OTUD7A: variants seen among roughly 807,000 people sequenced by gnomAD.
OTUD7A encodes the protein OTU domain-containing protein 7A.
Under a neutral mutation model 65.7 loss-of-function variants are expected in OTUD7A, and 12 were observed. The ratio of observed to expected loss-of-function variants is 0.18; its 90% CI spans 0.12 to 0.30. The LOEUF is 0.30. OTUD7A is among the 10% of genes least tolerant of loss of function. The pLI is 1.00. For synonymous variants in OTUD7A, 641 were observed against 586.3 expected (o/e 1.09, Z -1.35); for missense variants, 1,148 against 1,304.8 (o/e 0.88, Z 1.85).
intron 1 of OTUD7A, among the ~76,000 whole-genome samples, chr15:31,803,080 T>C (rs1047099927): frequency 6.6e-6 from 1 of 152,136 alleles, no homozygotes; most frequent in Non-Finnish European, 1.5e-5. Context: ...GAGCAGAGCA[T>C]TCCCAGACAA....
chr15:31,680,292 A>T (rs2338928), intron 1 of OTUD7A, among the ~76,000 whole-genome samples: 3 of 152,170 alleles, frequency 2.0e-5, no homozygotes, highest in Non-Finnish European at 2.9e-5. Context: ...CAATTCTGCC[A>T]TTCAGTATCT....
chr15:31,540,191 C>G (rs1248751942), intron 5 of OTUD7A, among the ~76,000 whole-genome samples: 4 of 152,182 alleles, frequency 2.6e-5, no homozygotes, highest in African/African-American at 7.2e-5. Context: ...TGTCTTCTGT[C>G]AATCCCCTCT....
chr15:31,508,431 G>A (rs2041616956), intron 8 of OTUD7A, among the ~76,000 whole-genome samples: 3 of 152,158 alleles, frequency 2.0e-5, no homozygotes, highest in Admixed American at 1.3e-4. Flanking sequence ...CTCACTGCAA[G>A]CTCCGCCTCC....
At chr15:31,836,014 A>G (rs1489763852) in intron 1 of OTUD7A, among the ~76,000 whole-genome samples, 1 of 151,876 alleles carries the variant, frequency 6.6e-6, no homozygotes, top group African/African-American at 2.4e-5. Context: ...AAAGTTTTGG[A>G]TTTTGGAACA....
At chr15:31,507,590 T>C (rs1566889367) in intron 8 of OTUD7A, among the ~76,000 whole-genome samples, 1 of 151,688 alleles carries the variant, frequency 6.6e-6, no homozygotes, top group Non-Finnish European at 1.5e-5. Flanking sequence ...ACAAAGGTTC[T>C]AAACCATGGA....
chr15:31,726,631 G>A (rs564239015), intron 1 of OTUD7A, among the ~76,000 whole-genome samples: 3 of 152,134 alleles, frequency 2.0e-5, no homozygotes, highest in Admixed American at 2.0e-4. Flanking sequence ...TTCCCAAGAC[G>A]TATATTCCTT....
At chr15:31,528,246 G>A (rs977671143) in intron 6 of OTUD7A, among the ~76,000 whole-genome samples, 9 of 152,216 alleles carry the variant, frequency 5.9e-5, no homozygotes, top group Non-Finnish European at 1.0e-4. Context: ...CTGCTGTGGC[G>A]TGAATGGAGA....
At chr15:31,812,748 C>T (rs1466659830) in intron 1 of OTUD7A, among the ~76,000 whole-genome samples, 2 of 152,256 alleles carry the variant, frequency 1.3e-5, no homozygotes, top group African/African-American at 4.8e-5. Context: ...AGAATGTCCC[C>T]GAGTACATGG....
At chr15:31,652,272 A>C (rs1054414154) in intron 3 of OTUD7A, among the ~76,000 whole-genome samples, 2 of 152,234 alleles carry the variant, frequency 1.3e-5, no homozygotes, top group African/African-American at 4.8e-5. Flanking sequence ...ATGATGTTGA[A>C]ACAATTGGAT....
At chr15:31,802,282 G>A (rs911652194) in intron 1 of OTUD7A, among the ~76,000 whole-genome samples, 2 of 152,080 alleles carry the variant, frequency 1.3e-5, no homozygotes, top group Non-Finnish European at 2.9e-5. Flanking sequence ...TCCAGTGGTC[G>A]AGGGCAGGAA....
intron 1 of OTUD7A, among the ~76,000 whole-genome samples, chr15:31,697,604 T>G (rs1169618693): frequency 6.6e-6 from 1 of 151,836 alleles, no homozygotes; most frequent in Admixed American, 6.6e-5. Context: ...TTCTTCTACC[T>G]GACCTTGAAG....
At chr15:31,851,770 T>C (rs774337432) in intron 1 of OTUD7A, among the ~76,000 whole-genome samples, 3 of 152,198 alleles carry the variant, frequency 2.0e-5, no homozygotes, top group Admixed American at 2.0e-4. Context: ...GACAATCCCA[T>C]GTGAACTCTA....
chr15:31,687,228 C>T (rs1010881519), intron 1 of OTUD7A, among the ~76,000 whole-genome samples: 1 of 152,054 alleles, frequency 6.6e-6, no homozygotes, highest in Non-Finnish European at 1.5e-5. Context: ...TAAGGCTGAC[C>T]GAGAGCAGGA....
chr15:31,632,736 G>T (rs1375578662), intron 3 of OTUD7A, among the ~76,000 whole-genome samples: 1 of 152,226 alleles, frequency 6.6e-6, no homozygotes, highest in African/African-American at 2.4e-5. Flanking sequence ...AGCCTACAGA[G>T]GCAGGCAGGC....
At chr15:31,800,587 T>G (rs2140948127) in intron 1 of OTUD7A, among the ~76,000 whole-genome samples, 1 of 152,218 alleles carries the variant, frequency 6.6e-6, no homozygotes, top group East Asian at 1.9e-4. Flanking sequence ...TGTCCCCTGG[T>G]CACTCCTGGA....
chr15:31,496,722 G>T (rs981171739), intron 10 of OTUD7A, among the ~76,000 whole-genome samples: 2 of 152,152 alleles, frequency 1.3e-5, no homozygotes, highest in African/African-American at 4.8e-5. Context: ...GGGAATAGTA[G>T]AGCATAGGTG....
chr15:31,481,116 T>C lies in OTUD7A; in HGVS notation c.*2178A>G. On this transcript the variant is annotated 3_prime_UTR_variant, in exon 13 of 13. Transcript: ENST00000307050. ...CTGGCAGATAGCGTGAGAAAGAAAA[T>C]ATCTGAATTAGCATAGCCAGTTTTA... The C allele has an allele frequency of 6.6e-6, 1 of 152,228 alleles. No individual in the cohort carries two copies. 9.4% of individuals were successfully genotyped at this position (152,228 alleles called of 1,614,324 possible).
chr15:31,808,595 G>C (rs1323216474), intron 1 of OTUD7A, among the ~76,000 whole-genome samples: 1 of 152,168 alleles, frequency 6.6e-6, no homozygotes, highest in Non-Finnish European at 1.5e-5. Flanking sequence ...CTGAGTGTAA[G>C]AGACCCTGAT....
At chr15:31,699,934 C>T (rs1174613369) in intron 1 of OTUD7A, among the ~76,000 whole-genome samples, 72 of 151,450 alleles carry the variant, frequency 4.8e-4, no homozygotes, top group African/African-American at 1.6e-3. Flanking sequence ...CCCGTTGAAC[C>T]GCTCACAATA....
Sources: allele counts gnomAD v4.1 joint callset (sites outside exome capture counted in the v4.1 genomes callset), GRCh38; gene constraint gnomAD v4.1.1; transcripts MANE v1.5; gene names NCBI Gene and HGNC (gene_info 2026-07-23, HGNC 2026-07-21).